Variants in NXPE2 observed in about 807,000 individuals in gnomAD.
NXPE2 encodes neurexophilin and PC-esterase domain family member 2, also known as NXPE family member 2.
Under a neutral mutation model 34.4 loss-of-function variants are expected in NXPE2, and 34 were observed. The observed-to-expected ratio is 0.99, with a 90% CI of 0.75 to 1.31. NXPE2 has a LOEUF of 1.31. Among genes scored for constraint, NXPE2 ranks in the 40% most tolerant of loss-of-function variants. NXPE2 has a pLI of 0.00. For synonymous variants in NXPE2, 235 were observed against 231.3 expected (o/e 1.02, Z -0.15); for missense variants, 649 against 672.5 (o/e 0.97, Z 0.39).
At chr11:114,744,754 G>A in the NXPE2 span, among the ~76,000 whole-genome samples, 1 of 152,102 alleles carries the variant, frequency 6.6e-6, no homozygotes, top group African/African-American at 2.4e-5. Context: ...AGGCTGCAGT[G>A]TTTGCACCAC....
At chr11:114,706,117 T>TTATTC in intron 5 of NXPE2, 121 bp downstream of exon 5, 1 of 469,614 alleles carries the variant, frequency 2.1e-6, no homozygotes, top group Non-Finnish European at 3.3e-6. Flanking sequence ...TTATTTTATT[T>TTATTC]TAAATTTGCC....
chr11:114,626,528 C>T, the NXPE2 span, among the ~76,000 whole-genome samples: 54 of 152,302 alleles, frequency 3.5e-4, no homozygotes, highest in Non-Finnish European at 6.9e-4. Context: ...CTGTACATCA[C>T]CATCATCAAA....
At chr11:114,674,611 G>T (rs945163347), upstream of NXPE2, among the ~76,000 whole-genome samples, 1 of 151,002 alleles carries the variant, frequency 6.6e-6, no homozygotes, top group Non-Finnish European at 1.5e-5. Flanking sequence ...AAGACAACAA[G>T]AGAGAAAGAA....
At chr11:114,805,823 T>A in the NXPE2 span, among the ~76,000 whole-genome samples, 2 of 152,218 alleles carry the variant, frequency 1.3e-5, no homozygotes, top group Non-Finnish European at 2.9e-5. Flanking sequence ...TAAATGTCCC[T>A]CTCTGACAGC....
the NXPE2 span, among the ~76,000 whole-genome samples, chr11:114,752,439 A>C: frequency 6.6e-6 from 1 of 152,234 alleles, no homozygotes; most frequent in African/African-American, 2.4e-5. Context: ...AAAAGTAATC[A>C]CTACTTAGTG....
chr11:114,533,016 T>C, the NXPE2 span, among the ~76,000 whole-genome samples: 2 of 152,250 alleles, frequency 1.3e-5, no homozygotes, highest in African/African-American at 4.8e-5. Flanking sequence ...ATTTTAAAAG[T>C]CAAGGAGGCA....
the NXPE2 span, among the ~76,000 whole-genome samples, chr11:114,611,141 A>C: frequency 6.6e-6 from 1 of 150,892 alleles, no homozygotes; most frequent in African/African-American, 2.4e-5. Context: ...ATGGGTCCTC[A>C]CTGTTACCCG....
chr11:114,503,932 G>C, the NXPE2 span, among the ~76,000 whole-genome samples: 1 of 152,184 alleles, frequency 6.6e-6, no homozygotes, highest in Non-Finnish European at 1.5e-5. Flanking sequence ...GCCCCAGCCT[G>C]GCCTTGCCTG....
At chr11:114,567,973 A>G in the NXPE2 span, among the ~76,000 whole-genome samples, 3 of 152,130 alleles carry the variant, frequency 2.0e-5, no homozygotes, top group Non-Finnish European at 4.4e-5. Flanking sequence ...ATATATATAT[A>G]TACTGGCCAA....
the NXPE2 span, among the ~76,000 whole-genome samples, chr11:114,559,298 A>G: frequency 1.3e-5 from 2 of 152,224 alleles, no homozygotes; most frequent in Non-Finnish European, 2.9e-5. Context: ...TCTACAGGAA[A>G]CTTTCCAGCA....
At chr11:114,773,289 C>CCA in the NXPE2 span, among the ~76,000 whole-genome samples, 16 of 44,308 alleles carry the variant, frequency 3.6e-4, 1 homozygote, top group African/African-American at 9.2e-4. Flanking sequence ...ACCCCCCCCC[C>CCA]ACCCCATTCT....
the NXPE2 span, among the ~76,000 whole-genome samples, chr11:114,475,272 C>T: frequency 1.9e-5 from 2 of 106,460 alleles, no homozygotes; most frequent in African/African-American, 7.2e-5. Flanking sequence ...GAGATGGAGT[C>T]TCGCTCTGTC....
At chr11:114,788,960 G>C in the NXPE2 span, among the ~76,000 whole-genome samples, 1 of 152,160 alleles carries the variant, frequency 6.6e-6, no homozygotes, top group African/African-American at 2.4e-5. Context: ...ATGCCAAATA[G>C]ACAGAGCAAG....
the NXPE2 span, among the ~76,000 whole-genome samples, chr11:114,742,562 A>T: frequency 6.7e-6 from 1 of 149,380 alleles, no homozygotes; most frequent in Admixed American, 6.7e-5. Flanking sequence ...TTCCTTGGAG[A>T]GGGGTGACAC....
At chr11:114,510,556 G>T in the NXPE2 span, among the ~76,000 whole-genome samples, 1 of 152,156 alleles carries the variant, frequency 6.6e-6, no homozygotes, top group Non-Finnish European at 1.5e-5. Context: ...TAGAAGATAT[G>T]CTTGGGCCAA....
At chr11:114,808,379 C>T in the NXPE2 span, among the ~76,000 whole-genome samples, 1 of 151,056 alleles carries the variant, frequency 6.6e-6, no homozygotes, top group Non-Finnish European at 1.5e-5. Context: ...CACAAAAAAC[C>T]CTTCAAAAAA....
chr11:114,525,646 G>GT, the NXPE2 span, among the ~76,000 whole-genome samples: 1 of 152,266 alleles, frequency 6.6e-6, no homozygotes, highest in Admixed American at 6.5e-5. Flanking sequence ...CACAGTGAAG[G>GT]TCACAACATA....
chr11:114,583,978 A>G, the NXPE2 span: 10 of 375,786 alleles, frequency 2.7e-5, no homozygotes, highest in African/African-American at 1.7e-4. Context: ...CCATTTTCAA[A>G]CTGGTCATGT....
the NXPE2 span, among the ~76,000 whole-genome samples, chr11:114,652,896 T>C: frequency 6.6e-6 from 1 of 152,236 alleles, no homozygotes; most frequent in Non-Finnish European, 1.5e-5. Flanking sequence ...AATCACTTTT[T>C]CAAGTGAAGC....
Sources: allele counts gnomAD v4.1 joint callset (sites outside exome capture counted in the v4.1 genomes callset), GRCh38; gene constraint gnomAD v4.1.1; transcripts MANE v1.5; gene names NCBI Gene and HGNC (gene_info 2026-07-23, HGNC 2026-07-21).